RASSF8: variants seen among roughly 807,000 people sequenced by gnomAD.
The protein encoded by RASSF8 is Ras association domain family member 8.
In RASSF8, 22 loss-of-function variants were observed where a neutral mutation model predicts 48.5. That is an observed-to-expected ratio of 0.45 (90% confidence interval 0.32 to 0.65). The LOEUF is 0.65. Among genes scored for constraint, RASSF8 ranks in the 30% least tolerant of loss-of-function variants. The pLI is 0.03. For synonymous variants in RASSF8, 127 were observed against 171.5 expected, an observed-to-expected ratio of 0.74 and a Z score of 2.03; for missense variants, 418 against 489.2, an observed-to-expected ratio of 0.85 and a Z score of 1.37.
Position 26,072,138 on chromosome 12 carries a change from A to G in RASSF8, c.*3320A>G. 2.0e-6 allele frequency: 2 copies of G among 984,414 alleles called. No individual in the cohort carries two copies. Among genetic ancestry groups the G allele is most frequent in the Non-Finnish European group, 2.4e-6 (2 of 828,972 alleles). 61.0% of individuals were successfully genotyped at this position (984,414 alleles called of 1,614,324 possible). On this transcript the variant is annotated 3_prime_UTR_variant, in exon 6 of 6. Transcript: ENST00000689635. ...CCTTTGATAAATTTGGCCTTAATTT[A>G]TATAACGATGCTGTGTTCACATCCC...
chr12:25,982,307 T>G (rs1453555328), intron 1 of RASSF8, among the ~76,000 whole-genome samples: 2 of 152,232 alleles, frequency 1.3e-5, no homozygotes, highest in African/African-American at 4.8e-5. Flanking sequence ...TTTCTGCATT[T>G]AGATTACAAA....
At chr12:26,033,010 A>T (rs747708183) in intron 2 of RASSF8, among the ~76,000 whole-genome samples, 5 of 152,216 alleles carry the variant, frequency 3.3e-5, no homozygotes, top group Non-Finnish European at 7.3e-5. Context: ...GTATGCTGTG[A>T]TCTTGTTTTC....
chr12:26,079,218 T>C (rs2137359523), exon 6 of RASSF8: 2 of 547,688 alleles, frequency 3.7e-6, no homozygotes, highest in East Asian at 6.1e-5. Context: ...CAAACCGTTA[T>C]CTGGTAAGGG....
chr12:26,031,267 C>T (rs1943024838), intron 2 of RASSF8, among the ~76,000 whole-genome samples: 1 of 152,082 alleles, frequency 6.6e-6, no homozygotes, highest in Admixed American at 6.6e-5. Flanking sequence ...TTGATTTTGC[C>T]AATTGTCAAA....
chr12:25,958,740 CGCCCGCGCTCGTCCGGCG>C lies in RASSF8; in HGVS notation c.-610_-593del, dbSNP rs1941144143. On this transcript the variant is annotated 5_prime_UTR_variant, in exon 1 of 6. Transcript: ENST00000689635. ...GACTCCTACGCCCGCGCTCCTCCTA[CGCCCGCGCTCGTCCGGCG>C]CCCCGCGCCGCGCCCCGCTCAGCGT... Among the ~76,000 whole-genome samples the C allele has an allele frequency of 6.8e-6, 1 of 146,706 alleles. No homozygotes were observed. The highest frequency in any genetic ancestry group is 6.8e-5 in the Admixed American group (1 of 14,790).
chr12:26,070,368 A>C lies in RASSF8; in HGVS notation c.*1550A>C. ...TATGAAATTTTTAAGAATGGCTATG[A>C]GACTGTATAGAAGCTTCTAGAGAAC... On this transcript the variant is annotated 3_prime_UTR_variant, in exon 6 of 6. Coordinates refer to ENST00000689635, the MANE Select transcript of RASSF8 (RefSeq NM_001394098.1). The C allele has an allele frequency of 1.0e-6, 1 of 985,368 alleles. No homozygotes were observed. The highest frequency in any genetic ancestry group is 1.2e-6 in the Non-Finnish European group (1 of 829,856). 61.0% of individuals were successfully genotyped at this position (985,368 alleles called of 1,614,324 possible).
intron 2 of RASSF8, among the ~76,000 whole-genome samples, chr12:26,040,492 A>G (rs941826721): frequency 2.6e-5 from 4 of 152,206 alleles, no homozygotes; most frequent in Admixed American, 2.6e-4. Context: ...AGGAAAGGGT[A>G]GGAAATGTTT....
chr12:26,079,606 A>T (rs1335175722), exon 6 of RASSF8: 1 of 151,308 alleles, frequency 6.6e-6, no homozygotes, highest in Non-Finnish European at 1.5e-5. Context: ...AAAAAAAAAT[A>T]GATATTTTTC....
chr12:26,060,571 AT>A (rs1943720942), intron 3 of RASSF8, among the ~76,000 whole-genome samples: 2 of 152,222 alleles, frequency 1.3e-5, no homozygotes, highest in Admixed American at 1.3e-4. Context: ...ATATAAAAGC[AT>A]CAAAAGCATT....
chr12:26,030,811 G>A (rs1050039516), intron 2 of RASSF8, among the ~76,000 whole-genome samples: 4 of 151,982 alleles, frequency 2.6e-5, no homozygotes, highest in Admixed American at 2.6e-4. Context: ...CTGGTTTTGG[G>A]GCTAGGTAAA....
intron 1 of RASSF8, among the ~76,000 whole-genome samples, chr12:25,964,138 C>G (rs1006467372): frequency 1.3e-5 from 2 of 152,126 alleles, no homozygotes; most frequent in Admixed American, 6.5e-5. Flanking sequence ...GTTGGGAACC[C>G]TTGTTATTTT....
At chr12:25,995,766 T>C (rs1942118285) in intron 2 of RASSF8, among the ~76,000 whole-genome samples, 1 of 152,174 alleles carries the variant, frequency 6.6e-6, no homozygotes, top group Non-Finnish European at 1.5e-5. Flanking sequence ...AAATGACTTA[T>C]TCGTCCCAGG....
In RASSF8 at chr12:25,974,497, C is replaced by CT. The variant is rs5797154; in HGVS notation, c.-203+15365dup. ...CAGACAGGGACTTTTACTAAAATACCTTTTTTTTTTTTTTTTAAGCCATAG... is the reference window on the plus strand; with the variant it reads ...CAGACAGGGACTTTTACTAAAATACCTTTTTTTTTTTTTTTTTAAGCCATAG... On this transcript the variant is annotated intron_variant, in intron 1 of 5. Coordinates refer to ENST00000689635, the MANE Select transcript of RASSF8 (RefSeq NM_001394098.1). 6.4e-3 allele frequency among the ~76,000 whole-genome samples: 934 copies of CT among 146,722 alleles called. 6 individuals carry two copies. The highest frequency in any genetic ancestry group is 0.016 in the African/African-American group (618 of 38,950).
chr12:25,966,730 G>A (rs1450520587), intron 1 of RASSF8, among the ~76,000 whole-genome samples: 5 of 152,158 alleles, frequency 3.3e-5, no homozygotes, highest in Admixed American at 2.0e-4. Context: ...CTCCCAGTTT[G>A]TGTCTCATCG....
At chr12:25,979,215 G>A (rs1278545259) in intron 1 of RASSF8, among the ~76,000 whole-genome samples, 1 of 152,102 alleles carries the variant, frequency 6.6e-6, no homozygotes, top group Non-Finnish European at 1.5e-5. Context: ...AGCTTGTCCT[G>A]CACCAGGCAG....
intron 1 of RASSF8, among the ~76,000 whole-genome samples, chr12:25,975,317 A>G (rs1941579790): frequency 6.6e-6 from 1 of 152,178 alleles, no homozygotes; most frequent in South Asian, 2.1e-4. Context: ...TGAGGTTAGG[A>G]ATACTTACCC....
At chr12:26,019,307 AAG>A (rs765119697) in intron 2 of RASSF8, among the ~76,000 whole-genome samples, 3 of 152,226 alleles carry the variant, frequency 2.0e-5, no homozygotes, top group Non-Finnish European at 2.9e-5. Flanking sequence ...CAATTTCTAA[AAG>A]AGGAGTTCAA....
downstream of RASSF8, among the ~76,000 whole-genome samples, chr12:26,075,449 A>C (rs1193509686): frequency 6.6e-6 from 1 of 152,210 alleles, no homozygotes; most frequent in East Asian, 1.9e-4. Context: ...ATTTGGAAGA[A>C]GTGCTCTTCT....
intron 2 of RASSF8, among the ~76,000 whole-genome samples, chr12:26,025,721 T>C (rs1942897340): frequency 1.3e-5 from 2 of 152,106 alleles, no homozygotes; most frequent in South Asian, 2.1e-4. Flanking sequence ...GTATGCAAAA[T>C]TTAATTGCAT....
Sources: gnomAD v4.1 joint callset for allele counts (sites outside exome capture counted in the v4.1 genomes callset) on GRCh38, gnomAD v4.1.1 for gene constraint, MANE v1.5 for transcripts, NCBI Gene and HGNC (gene_info 2026-07-23, HGNC 2026-07-21) for gene names.